The following LAMA2 variants were observed in gnomAD, a reference collection of about 807,000 sequenced individuals.
The protein encoded by LAMA2 is laminin subunit alpha 2.
LAMA2 carries 269 observed loss-of-function variants against 364.8 expected under a neutral mutation model. The ratio of observed to expected loss-of-function variants is 0.74; its 90% CI spans 0.67 to 0.82. The LOEUF is 0.82. Among genes scored for constraint, LAMA2 ranks in the 40% least tolerant of loss-of-function variants. The pLI is 0.00. For missense variants in LAMA2, 3,807 were observed against 3,873.2 expected, an observed-to-expected ratio of 0.98 and a Z score of 0.45; for synonymous variants, 1,379 against 1,370.6, an observed-to-expected ratio of 1.01 and a Z score of -0.14.
intron 13 of LAMA2, among the ~76,000 whole-genome samples, chr6:129,251,074 C>CTA (rs1194499275): frequency 2.9e-3 from 174 of 60,518 alleles, no homozygotes; most frequent in Middle Eastern, 7.8e-3. Context: ...CTCTCTCTCT[C>CTA]TCTATATATA....
intron 4 of LAMA2, among the ~76,000 whole-genome samples, chr6:129,116,404 A>T (rs930600131): frequency 1.4e-4 from 22 of 152,146 alleles, no homozygotes; most frequent in African/African-American, 5.3e-4. Flanking sequence ...TTGTCTCCTT[A>T]GCCCCAAAAT....
chr6:129,478,894 G>C, intron 54 of LAMA2, 81 bp downstream of exon 54: 1 of 1,258,136 alleles, frequency 7.9e-7, no homozygotes, highest in Non-Finnish European at 1.2e-6. Context: ...ACAAGGATCA[G>C]TCTTTTGTTA....
rs1397419146 is a variant in LAMA2 at position 129,280,147 on chromosome 6, G to A, written c.2537G>A (p.Arg846Lys). The A allele has an allele frequency of 1.3e-6, 2 of 1,589,030 alleles. No individual in the cohort carries two copies. The highest frequency in any genetic ancestry group is 1.1e-5 in the South Asian group (1 of 90,562). Residue 846 changes from arginine to lysine, a missense_variant and splice_region_variant, in exon 18 of 65, where the codon AGG becomes AAG. By Grantham distance (26) the Arg-to-Lys change is conservative. Coordinates refer to ENST00000421865, the MANE Select transcript of LAMA2 (RefSeq NM_000426.4). ...PVGYTGPRCE[R>K]CAEGYFGQPS... ...GGGTACACAGGACCACGCTGTGAGA[G>A]GTAAGAGTATACTACACTGTCTTGC...
chr6:129,208,715 G>GAAA (rs1386478027), intron 12 of LAMA2, among the ~76,000 whole-genome samples: 6 of 83,538 alleles, frequency 7.2e-5, no homozygotes, highest in African/African-American at 2.9e-4. Flanking sequence ...AAGGAAAAGG[G>GAAA]AGGGAGGGAG....
chr6:129,131,987 A>T (rs1777505521), intron 4 of LAMA2, among the ~76,000 whole-genome samples: 1 of 152,022 alleles, frequency 6.6e-6, no homozygotes, highest in African/African-American at 2.4e-5. Context: ...ACTACTCCCC[A>T]GATGTCAATA....
intron 7 of LAMA2, among the ~76,000 whole-genome samples, chr6:129,152,409 C>T (rs986921441): frequency 3.3e-5 from 5 of 152,066 alleles, no homozygotes; most frequent in South Asian, 4.1e-4. Context: ...ATTTTTTAAG[C>T]GATTAAAATT....
chr6:129,240,670 C>G (rs1296574908), intron 12 of LAMA2, among the ~76,000 whole-genome samples: 1 of 152,180 alleles, frequency 6.6e-6, no homozygotes, highest in Admixed American at 6.6e-5. Flanking sequence ...TATGACTGCT[C>G]CTGGATCGCC....
intron 28 of LAMA2, among the ~76,000 whole-genome samples, chr6:129,326,664 C>G (rs1775305698): frequency 6.8e-6 from 1 of 147,000 alleles, no homozygotes; most frequent in South Asian, 2.1e-4. Context: ...ATGCACCTAG[C>G]AAGTATGTCA....
At chr6:129,136,399 A>T (rs1777793161) in intron 4 of LAMA2, among the ~76,000 whole-genome samples, 1 of 152,182 alleles carries the variant, frequency 6.6e-6, no homozygotes, top group South Asian at 2.1e-4. Flanking sequence ...TTAAAAAGTT[A>T]GTTCTTCTGG....
chr6:129,053,646 C>T (rs1392974845), intron 2 of LAMA2, among the ~76,000 whole-genome samples: 2 of 152,154 alleles, frequency 1.3e-5, no homozygotes, highest in Non-Finnish European at 2.9e-5. Flanking sequence ...GTTTTAAATG[C>T]TTCGAAGATA....
intron 34 of LAMA2, among the ~76,000 whole-genome samples, chr6:129,379,432 G>A (rs1004990980): frequency 2.0e-5 from 3 of 152,002 alleles, no homozygotes; most frequent in Admixed American, 2.0e-4. Flanking sequence ...GTACAGATGA[G>A]CCTGACTGTG....
At chr6:129,434,439 G>T (rs1781743210) in intron 41 of LAMA2, among the ~76,000 whole-genome samples, 1 of 152,154 alleles carries the variant, frequency 6.6e-6, no homozygotes. Flanking sequence ...TTGAGTTTTG[G>T]TGGATGTGAT....
At chr6:129,068,631 T>C (rs975353039) in intron 3 of LAMA2, among the ~76,000 whole-genome samples, 1 of 152,240 alleles carries the variant, frequency 6.6e-6, no homozygotes, top group African/African-American at 2.4e-5. Context: ...ATATGAATTT[T>C]AGGGGAACAG....
At chr6:129,447,668 T>C (rs1313278704) in intron 45 of LAMA2, among the ~76,000 whole-genome samples, 1 of 152,190 alleles carries the variant, frequency 6.6e-6, no homozygotes, top group African/African-American at 2.4e-5. Context: ...AGCTGTGCTT[T>C]TTAAATATAA....
chr6:128,910,921 T>TG lies in LAMA2; in HGVS notation c.112+27570dup, dbSNP rs746171125. On this transcript the variant is annotated intron_variant, in intron 1 of 64. Transcript: ENST00000421865. ...ATGTGAGGTGTCAGTGTGCCCCTGC[T>TG]GGGGGGTGCCTCCCAGTTAGGCTGC... Among the ~76,000 whole-genome samples the TG allele has an allele frequency of 9.9e-5, 15 of 151,664 alleles. No individual in the cohort carries two copies. In the South Asian group the frequency reaches 1.3e-3, roughly 13 times the overall value.
intron 34 of LAMA2, among the ~76,000 whole-genome samples, chr6:129,375,293 A>C (rs1333680494): frequency 6.6e-6 from 1 of 152,016 alleles, no homozygotes; most frequent in Non-Finnish European, 1.5e-5. Flanking sequence ...ACTGCCCTAC[A>C]GTATGTGTGA....
Position 129,438,763 on chromosome 6 carries a change from G to C in LAMA2, c.6085+1G>C. The C allele has an allele frequency of 6.8e-7, 1 of 1,462,946 alleles. No homozygotes were observed. The highest frequency in any genetic ancestry group is 1.4e-5 in the African/African-American group (1 of 71,914). The allele number at this position is 1,462,946 out of a possible 1,614,324, so 90.6% of individuals were successfully genotyped here. On this transcript the variant is annotated splice_donor_variant, in intron 42 of 64. Transcript: ENST00000421865. LOFTEE classifies it high-confidence loss of function. ...GGAAAGTTATCAGCTATTCCAAATG[G>C]TAAGCATTCAGGACACTACCAACTG...
At chr6:129,009,523 A>C (rs546199991) in intron 1 of LAMA2, among the ~76,000 whole-genome samples, 2 of 152,222 alleles carry the variant, frequency 1.3e-5, no homozygotes, top group African/African-American at 4.8e-5. Flanking sequence ...GTGTGGAGTC[A>C]TTAATTAAGT....
chr6:129,418,893 T>C (rs1780932212), intron 40 of LAMA2, among the ~76,000 whole-genome samples: 1 of 152,166 alleles, frequency 6.6e-6, no homozygotes, highest in Admixed American at 6.5e-5. Flanking sequence ...ATAAAAGTGG[T>C]ATATATTTAT....
Sources: gnomAD v4.1 joint callset for allele counts (sites outside exome capture counted in the v4.1 genomes callset) on GRCh38, gnomAD v4.1.1 for gene constraint, MANE v1.5 for transcripts, NCBI Gene and HGNC (gene_info 2026-07-23, HGNC 2026-07-21) for gene names.